Variants in TGM6 observed in about 807,000 individuals in gnomAD.
TGM6 encodes transglutaminase 6, also known as protein-glutamine gamma-glutamyltransferase 6.
A neutral mutation model predicts 77.5 loss-of-function variants in TGM6; 74 were observed. The observed-to-expected ratio is 0.96, with a 90% CI of 0.79 to 1.16. The LOEUF is 1.16. Ranked by LOEUF, TGM6 falls within the 50% of genes most tolerant of loss-of-function variation. The pLI is 0.00. For missense variants in TGM6, 968 were observed against 940.2 expected (o/e 1.03, Z -0.39); for synonymous variants, 383 against 378.9 (o/e 1.01, Z -0.12).
At chr20:2,408,189 A>G (rs370360949) in intron 9 of TGM6, among the ~76,000 whole-genome samples, 21 of 152,130 alleles carry the variant, frequency 1.4e-4, no homozygotes, top group South Asian at 8.3e-4. Context: ...TATTCTATAG[A>G]TGAAATGACA....
At chr20:2,382,645 C>T (rs1176889361) in intron 1 of TGM6, among the ~76,000 whole-genome samples, 1 of 152,138 alleles carries the variant, frequency 6.6e-6, no homozygotes, top group Non-Finnish European at 1.5e-5. Flanking sequence ...TCTTCTGGGT[C>T]CTCTTGGCTT....
At chr20:2,403,539 T>A (rs757170552) in intron 8 of TGM6, 39 bp downstream of exon 8, 1 of 1,614,128 alleles carries the variant, frequency 6.2e-7, no homozygotes, top group Admixed American at 1.7e-5. Context: ...AGACCCCTGC[T>A]TTTCCTTACC....
At chr20:2,383,925 G>A (rs1262228957) in intron 1 of TGM6, among the ~76,000 whole-genome samples, 1 of 151,962 alleles carries the variant, frequency 6.6e-6, no homozygotes, top group African/African-American at 2.4e-5. Flanking sequence ...GGCTAACACG[G>A]TGAAACCCCA....
intron 9 of TGM6, among the ~76,000 whole-genome samples, chr20:2,414,960 A>G (rs2084805904): frequency 6.6e-6 from 1 of 150,780 alleles, no homozygotes; most frequent in African/African-American, 2.5e-5. Flanking sequence ...AAAACGTTCT[A>G]AAATTAGATT....
intron 1 of TGM6, among the ~76,000 whole-genome samples, chr20:2,391,394 G>A (rs888148837): frequency 2.0e-5 from 3 of 152,132 alleles, no homozygotes; most frequent in Admixed American, 1.3e-4. Flanking sequence ...ACCAGGAGGG[G>A]CCTTAGGAAA....
intron 10 of TGM6, among the ~76,000 whole-genome samples, chr20:2,428,875 G>A (rs768300361): frequency 6.6e-6 from 1 of 152,136 alleles, no homozygotes; most frequent in Non-Finnish European, 1.5e-5. Flanking sequence ...TCAGGCTGGA[G>A]TGCAGTGGCG....
chr20:2,401,207 CA>C (rs11480817), intron 7 of TGM6, among the ~76,000 whole-genome samples: 1,721 of 149,570 alleles, frequency 0.012, 24 homozygotes, highest in East Asian at 0.049. Context: ...GACTTCGTCT[CA>C]AAAAAAAAAA....
intron 1 of TGM6, among the ~76,000 whole-genome samples, chr20:2,386,609 C>A (rs1194440519): frequency 1.3e-5 from 2 of 152,066 alleles, no homozygotes; most frequent in Non-Finnish European, 2.9e-5. Context: ...AAGCTGGGAC[C>A]ATGATCAAGT....
chr20:2,409,175 G>A (rs1464865736), intron 9 of TGM6, among the ~76,000 whole-genome samples: 1 of 152,086 alleles, frequency 6.6e-6, no homozygotes, highest in Non-Finnish European at 1.5e-5. Flanking sequence ...AGTATCAGAA[G>A]AGAATTTGAT....
At chr20:2,428,397 A>G (rs13037184) in intron 10 of TGM6, among the ~76,000 whole-genome samples, 33,934 of 151,990 alleles carry the variant, frequency 0.22, 3,982 homozygotes, top group South Asian at 0.3. Context: ...TTCTCCCAGG[A>G]TCTGAGCTGA....
At chr20:2,422,911 C>T (rs1392799839) in intron 10 of TGM6, among the ~76,000 whole-genome samples, 1 of 149,686 alleles carries the variant, frequency 6.7e-6, no homozygotes, top group Non-Finnish European at 1.5e-5. Flanking sequence ...GATCCTGCCA[C>T]TGCACTCCAG....
intron 10 of TGM6, among the ~76,000 whole-genome samples, chr20:2,420,741 G>GTGTAATTAAGCTT (rs1349788987): frequency 6.6e-6 from 1 of 152,120 alleles, no homozygotes; most frequent in Non-Finnish European, 1.5e-5. Flanking sequence ...AAATCATACA[G>GTGTAATTAAGCTT]TGTAATTAAG....
At chr20:2,406,070 A>G (rs1360711185) in intron 9 of TGM6, among the ~76,000 whole-genome samples, 1 of 151,632 alleles carries the variant, frequency 6.6e-6, no homozygotes, top group Non-Finnish European at 1.5e-5. Context: ...ACCTACTCAC[A>G]CCCCCAACTC....
In TGM6 at chr20:2,403,734, A is replaced by G. The variant is rs759324511; in HGVS notation, c.1247A>G (p.Asn416Ser). The change falls in exon 9 of 13, where the codon AAC (asparagine) becomes AGC (serine). Residue 416 changes from asparagine to serine, a missense_variant. By Grantham distance (46) the Asn-to-Ser change is conservative. Coordinates refer to ENST00000202625, the MANE Select transcript of TGM6 (RefSeq NM_198994.3). ...GAGAGCCGGGAGCGTGTATACTCAA[A>G]CACGAAGAAGATTGGGAGATGCATC... Reference protein sequence around the residue: ...EDESRERVYSNTKKIGRCIST... With the variant: ...EDESRERVYSSTKKIGRCIST... 1.2e-6 allele frequency: 2 copies of G among 1,614,062 alleles called. No individual in the cohort carries two copies. The highest frequency in any genetic ancestry group is 1.3e-5 in the African/African-American group (1 of 74,920).
At chr20:2,405,724 G>C (rs2084745793) in intron 9 of TGM6, among the ~76,000 whole-genome samples, 1 of 152,170 alleles carries the variant, frequency 6.6e-6, no homozygotes, top group Non-Finnish European at 1.5e-5. Flanking sequence ...TCTTTCTGAT[G>C]CATGGTGATT....
chr20:2,394,489 G>GT lies in TGM6; in HGVS notation c.45_46insT (p.Asn16Ter). 4 of 1,611,596 alleles carry GT rather than the reference G, an allele frequency of 2.5e-6. No individual in the cohort carries two copies. The highest frequency in any genetic ancestry group is 3.4e-6 in the Non-Finnish European group (4 of 1,179,818). The stretch of plus-strand genomic sequence containing the variant: ...CCAAGGTGGACTGGCAGCGGTCGAG[G>GT]AATGGCGCTGCCCACCACACCCAGG... On this transcript the variant is annotated frameshift_variant, in exon 2 of 13. Transcript: ENST00000202625. LOFTEE classifies it high-confidence loss of function.
intron 10 of TGM6, among the ~76,000 whole-genome samples, chr20:2,418,233 G>A (rs958518026): frequency 1.3e-5 from 2 of 152,080 alleles, no homozygotes; most frequent in South Asian, 2.1e-4. Flanking sequence ...GGCTGGACTC[G>A]AGTGATCTGC....
At position 2,395,298 on chromosome 20, in the gene TGM6, A is replaced by G. The variant is rs1555799504; in HGVS notation, c.286A>G (p.Thr96Ala). The G allele has an allele frequency of 1.2e-6, 2 of 1,613,754 alleles. No homozygotes were observed. Among genetic ancestry groups the G allele is most frequent in the Non-Finnish European group, 8.5e-7 (1 of 1,179,960 alleles). The change falls in exon 3 of 13, where the codon ACT (threonine) becomes GCT (alanine). Residue 96 changes from threonine (T) to alanine (A), a missense_variant. Thr to Ala is a moderately conservative substitution (Grantham distance 58, BLOSUM62 0). Coordinates refer to ENST00000202625, the MANE Select transcript of TGM6 (RefSeq NM_198994.3). Reference sequence around the variant, plus strand: ...AGCAAGGGAGGCTCAGATGGAGAAAACTCTGACCGTCAGTCTCGCCAGCCC... The same window carrying G: ...AGCAAGGGAGGCTCAGATGGAGAAAGCTCTGACCGTCAGTCTCGCCAGCCC... Reference protein sequence around the residue: ...TAAREAQMEKTLTVSLASPPS... With the variant: ...TAAREAQMEKALTVSLASPPS...
chr20:2,416,598 A>G (rs1269865494), intron 9 of TGM6, among the ~76,000 whole-genome samples: 1 of 152,178 alleles, frequency 6.6e-6, no homozygotes, highest in Non-Finnish European at 1.5e-5. Context: ...TTGCCTTGAA[A>G]AGGGGTAGTA....
Sources: allele counts gnomAD v4.1 joint callset (sites outside exome capture counted in the v4.1 genomes callset), GRCh38; gene constraint gnomAD v4.1.1; transcripts MANE v1.5; gene names NCBI Gene and HGNC (gene_info 2026-07-23, HGNC 2026-07-21).